Variants in TENM2 observed in about 807,000 individuals in gnomAD.
The protein encoded by TENM2 is teneurin-2.
A neutral mutation model predicts 245.2 loss-of-function variants in TENM2; 52 were observed. That is an observed-to-expected ratio of 0.21 (90% CI 0.17 to 0.27). The LOEUF is 0.27. Among genes scored for constraint, TENM2 ranks in the 10% least tolerant of loss-of-function variants. TENM2 has a pLI of 1.00. For missense variants in TENM2, 3,046 were observed against 3,666.8 expected (o/e 0.83, Z 4.37); for synonymous variants, 1,363 against 1,438.9 (o/e 0.95, Z 1.19).
chr5:167,004,522 G>A, the TENM2 span, among the ~76,000 whole-genome samples: 2 of 152,178 alleles, frequency 1.3e-5, no homozygotes, highest in Admixed American at 6.5e-5. Flanking sequence ...CAGTTGAAAG[G>A]AAGATAGTAA....
chr5:167,378,191 C>A (rs1760879536), intron 2 of TENM2, among the ~76,000 whole-genome samples: 1 of 151,938 alleles, frequency 6.6e-6, no homozygotes. Flanking sequence ...AACCAACTTC[C>A]TTTTTGGTAA....
In TENM2 at chr5:167,550,339, G is replaced by A. The variant is rs982993787; in HGVS notation, c.502+174866G>A. On this transcript the variant is annotated intron_variant, in intron 2 of 28. Coordinates refer to ENST00000518659, the Ensembl canonical transcript of TENM2. ...TATTATGGTGCTGGATTCCCTGAGC[G>A]CTGATTTACATTAGTGCCAGTTTCT... Among the ~76,000 whole-genome samples the A allele has an allele frequency of 5.9e-5, 9 of 152,118 alleles. No homozygotes were observed. In the East Asian group the frequency reaches 9.6e-4, roughly 16 times the overall value.
intron 2 of TENM2, among the ~76,000 whole-genome samples, chr5:167,673,750 C>T (rs1362466215): frequency 6.6e-6 from 1 of 150,586 alleles, no homozygotes; most frequent in Non-Finnish European, 1.5e-5. Context: ...ACCTTTTCTC[C>T]AATACCTTAT....
exon 15 of TENM2, chr5:168,195,239 C>T (rs545694542): frequency 3.6e-5 from 58 of 1,607,878 alleles, no homozygotes; most frequent in South Asian, 3.5e-4. Flanking sequence ...TCGGTGTGAA[C>T]GTGTCTTTTG....
intron 13 of TENM2, among the ~76,000 whole-genome samples, chr5:168,172,536 C>G (rs754380443): frequency 1.3e-5 from 2 of 152,140 alleles, no homozygotes; most frequent in African/African-American, 4.8e-5. Context: ...GAAAACATAG[C>G]CAAGCCAGGA....
chr5:167,095,329 C>T, the TENM2 span, among the ~76,000 whole-genome samples: 1 of 152,156 alleles, frequency 6.6e-6, no homozygotes, highest in Non-Finnish European at 1.5e-5. Context: ...AGGAAGTGCA[C>T]AGAATTGCAA....
intron 2 of TENM2, among the ~76,000 whole-genome samples, chr5:167,597,670 A>G (rs1459716005): frequency 6.6e-6 from 1 of 152,192 alleles, no homozygotes; most frequent in Non-Finnish European, 1.5e-5. Flanking sequence ...TATATGTGTA[A>G]TTTTATGTTA....
chr5:167,532,415 T>G (rs532922502), intron 2 of TENM2, among the ~76,000 whole-genome samples: 1 of 152,120 alleles, frequency 6.6e-6, no homozygotes, highest in South Asian at 2.1e-4. Flanking sequence ...GACTTACAGT[T>G]CCATGTGGCT....
At chr5:168,262,945 A>C (rs569600709) in exon 29 of TENM2, 128 of 796,982 alleles carry the variant, frequency 1.6e-4, no homozygotes, top group Middle Eastern at 3.2e-4. Flanking sequence ...AAGAAAGCTC[A>C]CATTTTTTGA....
chr5:168,219,848 A>AAAAAAAAC (rs1562296778), intron 23 of TENM2, among the ~76,000 whole-genome samples: 1 of 151,406 alleles, frequency 6.6e-6, no homozygotes. Context: ...AAAAAAAAAA[A>AAAAAAAAC]AGCGGGGGAC....
chr5:167,702,602 A>G (rs1290694848), intron 2 of TENM2, among the ~76,000 whole-genome samples: 5 of 148,746 alleles, frequency 3.4e-5, no homozygotes, highest in Admixed American at 1.3e-4. Flanking sequence ...TTACATAGTA[A>G]AAGTTTTCCC....
chr5:168,232,137 A>AGAT (rs1764985674), intron 25 of TENM2, among the ~76,000 whole-genome samples: 2 of 152,212 alleles, frequency 1.3e-5, no homozygotes, highest in South Asian at 4.1e-4. Flanking sequence ...GGGACAAGAT[A>AGAT]GATGATAGGA....
chr5:167,031,591 T>C, the TENM2 span, among the ~76,000 whole-genome samples: 5 of 152,002 alleles, frequency 3.3e-5, no homozygotes, highest in African/African-American at 1.2e-4. Flanking sequence ...TGAGATGGAG[T>C]TTTGTTCTTG....
chr5:167,007,205 C>A, the TENM2 span, among the ~76,000 whole-genome samples: 1 of 152,000 alleles, frequency 6.6e-6, no homozygotes, highest in Admixed American at 6.6e-5. The surrounding 1 kb of genome is among the most constrained non-coding windows in gnomAD (Gnocchi z 4.2). Flanking sequence ...TTGTGTTATT[C>A]CCCCATTGCC....
At chr5:167,315,693 C>A (rs1220896410) in intron 1 of TENM2, among the ~76,000 whole-genome samples, 2 of 151,900 alleles carry the variant, frequency 1.3e-5, no homozygotes, top group Non-Finnish European at 2.9e-5. Context: ...GCTAGAGAAT[C>A]CCTCCTATTC....
At chr5:167,072,101 A>C in the TENM2 span, among the ~76,000 whole-genome samples, 1 of 152,126 alleles carries the variant, frequency 6.6e-6, no homozygotes, top group African/African-American at 2.4e-5. Context: ...AGATGGGTTC[A>C]GCCAAGCTTG....
chr5:168,134,063 G>A (rs992631650), intron 12 of TENM2, among the ~76,000 whole-genome samples: 3 of 152,102 alleles, frequency 2.0e-5, no homozygotes, highest in African/African-American at 7.2e-5. Context: ...GCTGAGCCAT[G>A]AGAATCCCTC....
At chr5:168,165,687 C>T (rs1377494255) in intron 13 of TENM2, among the ~76,000 whole-genome samples, 1 of 126,840 alleles carries the variant, frequency 7.9e-6, no homozygotes, top group East Asian at 2.7e-4. Flanking sequence ...CAAAGCAGTC[C>T]AAAGGCAGGG....
the TENM2 span, among the ~76,000 whole-genome samples, chr5:166,993,828 G>A: frequency 6.6e-6 from 1 of 152,270 alleles, no homozygotes; most frequent in Middle Eastern, 3.4e-3. Flanking sequence ...AAATAGTAAT[G>A]TAGGAATTAT....
Sources: gnomAD v4.1 joint callset for allele counts (sites outside exome capture counted in the v4.1 genomes callset) on GRCh38, gnomAD v4.1.1 for gene constraint, Gnocchi (gnomAD v3.1) non-coding constraint, MANE v1.5 for transcripts, NCBI Gene and HGNC (gene_info 2026-07-23, HGNC 2026-07-21) for gene names.